Variants in ACTR2 observed in about 807,000 individuals in gnomAD.
The protein encoded by ACTR2 is actin-related protein 2.
ACTR2 carries 5 observed loss-of-function variants against 50.2 expected under a neutral mutation model. The ratio of observed to expected loss-of-function variants is 0.10; its 90% CI spans 0.05 to 0.21. The LOEUF is 0.21. Ranked by LOEUF, ACTR2 falls within the 10% of genes least tolerant of loss-of-function variation. ACTR2 has a pLI of 1.00. For synonymous variants in ACTR2, 140 were observed against 162.9 expected (o/e 0.86, Z 1.07); for missense variants, 180 against 480.6 (o/e 0.37, Z 5.85).
intron 8 of ACTR2, among the ~76,000 whole-genome samples, chr2:65,267,962 G>A (rs903843121): frequency 8.8e-5 from 12 of 136,850 alleles, no homozygotes; most frequent in East Asian, 2.2e-4. Context: ...TCAGCCTCCC[G>A]AGTAGCTGGG....
At chr2:65,240,129 C>T in intron 2 of ACTR2, among the ~76,000 whole-genome samples, 167 bp downstream of exon 2, 1 of 152,152 alleles carries the variant, frequency 6.6e-6, no homozygotes, top group East Asian at 1.9e-4. Context: ...AACAGGGGCA[C>T]AAAAATTGAA....
At chr2:65,240,677 G>A (rs1204186833) in intron 2 of ACTR2, among the ~76,000 whole-genome samples, 2 of 152,218 alleles carry the variant, frequency 1.3e-5, no homozygotes, top group African/African-American at 2.4e-5. Flanking sequence ...TGAGAGGACA[G>A]TAGTCACCAG....
intron 6 of ACTR2, among the ~76,000 whole-genome samples, chr2:65,259,734 A>C (rs1672228888): frequency 1.3e-5 from 2 of 152,170 alleles, no homozygotes; most frequent in Admixed American, 1.3e-4. Flanking sequence ...GTCTCAAAAA[A>C]AAATTAAATT....
chr2:65,265,533 A>G (rs1456872514), intron 8 of ACTR2, among the ~76,000 whole-genome samples: 5 of 152,212 alleles, frequency 3.3e-5, no homozygotes, highest in Admixed American at 6.5e-5. Flanking sequence ...TGGATATGCA[A>G]TCAGCCTTCA....
At chr2:65,260,396 C>T (rs1672246172) in intron 6 of ACTR2, among the ~76,000 whole-genome samples, 1 of 152,100 alleles carries the variant, frequency 6.6e-6, no homozygotes, top group Non-Finnish European at 1.5e-5. Context: ...ATCCGAGCTA[C>T]TCAGGAGGCT....
chr2:65,258,332 T>A (rs1055925094), intron 6 of ACTR2, among the ~76,000 whole-genome samples: 2 of 152,028 alleles, frequency 1.3e-5, no homozygotes, highest in Non-Finnish European at 2.9e-5. Flanking sequence ...TCCCAGCACT[T>A]TGGGAGGCTG....
rs1454337601 is a variant in ACTR2 at position 65,232,890 on chromosome 2, AATGATTGAC to A, written c.48+4937_48+4945del. Among the ~76,000 whole-genome samples, 17 of 152,360 alleles carry A rather than the reference AATGATTGAC, an allele frequency of 1.1e-4. No homozygotes were observed. The East Asian group carries it at 3.3e-3, about 29-fold the overall frequency. The stretch of plus-strand genomic sequence containing the variant: ...AAAGAACGAAGTCACCAAGTCTTAA[AATGATTGAC>A]ATGGGGGAGGAATTTCAAGGATTAA... On this transcript the variant is annotated intron_variant, in intron 1 of 8. Transcript: ENST00000260641.
At chr2:65,237,738 A>G (rs1040815976) in intron 1 of ACTR2, among the ~76,000 whole-genome samples, 3 of 152,108 alleles carry the variant, frequency 2.0e-5, no homozygotes, top group Non-Finnish European at 2.9e-5. Context: ...CTGTAATCCC[A>G]GCACTTTGGG....
At chr2:65,248,782 G>A (rs1456770639) in intron 3 of ACTR2, among the ~76,000 whole-genome samples, 2 of 152,158 alleles carry the variant, frequency 1.3e-5, no homozygotes, top group African/African-American at 2.4e-5. Flanking sequence ...GGGAGGCCAA[G>A]GCGGGTGGAT....
At position 65,227,909 on chromosome 2, in the gene ACTR2, G is replaced by T; in HGVS notation, c.-1G>T. The T allele has an allele frequency of 6.6e-7, 1 of 1,523,356 alleles. No homozygotes were observed. Among genetic ancestry groups the T allele is most frequent in the East Asian group, 2.8e-5 (1 of 35,894 alleles). 94.4% of individuals were successfully genotyped at this position (1,523,356 alleles called of 1,614,324 possible). A position where few individuals can be genotyped will look rare whatever the true frequency, so the allele number is the denominator to read the frequency against. On this transcript the variant is annotated 5_prime_UTR_variant, in exon 1 of 9. Coordinates refer to ENST00000260641, the MANE Select transcript of ACTR2 (RefSeq NM_005722.4). ...TGCAGCGGCTCTTCCCTGGGCGGAC[G>T]ATGGACAGCCAGGGCAGGAAGGTGG...
At chr2:65,257,925 A>G (rs1184866205) in intron 6 of ACTR2, among the ~76,000 whole-genome samples, 1 of 152,132 alleles carries the variant, frequency 6.6e-6, no homozygotes, top group African/African-American at 2.4e-5. Context: ...TTCTTTTGCT[A>G]TGCAAGAAGC....
chr2:65,267,519 G>A (rs1012280689), intron 8 of ACTR2, among the ~76,000 whole-genome samples: 2 of 152,158 alleles, frequency 1.3e-5, no homozygotes, highest in African/African-American at 4.8e-5. Flanking sequence ...TGCAGATCGT[G>A]ATACTGTAAA....
chr2:65,257,503 T>C (rs1163993273), intron 6 of ACTR2, among the ~76,000 whole-genome samples: 2 of 152,248 alleles, frequency 1.3e-5, no homozygotes, highest in Non-Finnish European at 2.9e-5. Flanking sequence ...TTTCTAGTTC[T>C]AGATCCTTGA....
intron 4 of ACTR2, among the ~76,000 whole-genome samples, 153 bp from the exon 5 acceptor site, chr2:65,253,575 T>C (rs989341096): frequency 9.2e-5 from 14 of 152,234 alleles, no homozygotes; most frequent in African/African-American, 1.4e-4. Flanking sequence ...TTAATACTTA[T>C]GCATTAGAAA....
At chr2:65,242,789 A>G (rs1309777430) in intron 2 of ACTR2, 6 of 275,724 alleles carry the variant, frequency 2.2e-5, no homozygotes, top group Non-Finnish European at 3.7e-5. Flanking sequence ...GTGCTTCTGT[A>G]GTAGATACTT....
chr2:65,267,769 G>C (rs996082172), intron 8 of ACTR2, among the ~76,000 whole-genome samples: 1 of 149,408 alleles, frequency 6.7e-6, no homozygotes, highest in African/African-American at 2.5e-5. Flanking sequence ...TAGAAAGTAA[G>C]CTTTGCTTAA....
rs539690732 is a variant in ACTR2, at chr2:65,269,225, C to G, written c.*491C>G. ...GGCGCTTTCAACTGTACTGCTGCAG[C>G]TTTAAGTACCTTAAAGCTTCTCCTG... On this transcript the variant is annotated 3_prime_UTR_variant, in exon 9 of 9. Coordinates refer to ENST00000260641, the MANE Select transcript of ACTR2 (RefSeq NM_005722.4). The G allele has an allele frequency of 3.3e-5, 5 of 151,646 alleles. No homozygotes were observed. The highest frequency in any genetic ancestry group is 1.2e-4 in the African/African-American group (5 of 41,240). The allele number at this position is 151,646 out of a possible 1,614,324, so 9.4% of individuals were successfully genotyped here. A position where few individuals can be genotyped will look rare whatever the true frequency, so the allele number is the denominator to read the frequency against.
chr2:65,231,129 TAAGAC>T (rs1335244170), intron 1 of ACTR2, among the ~76,000 whole-genome samples: 3 of 152,156 alleles, frequency 2.0e-5, no homozygotes, highest in South Asian at 2.1e-4. Context: ...TTCTTTTCCT[TAAGAC>T]AAGTGATCAA....
chr2:65,241,262 C>T (rs961693875), intron 2 of ACTR2, among the ~76,000 whole-genome samples: 3 of 152,052 alleles, frequency 2.0e-5, no homozygotes, highest in Non-Finnish European at 4.4e-5. Context: ...TATTCAGTGT[C>T]AGGTTTTTAA....
Sources: allele counts gnomAD v4.1 joint callset (sites outside exome capture counted in the v4.1 genomes callset), GRCh38; gene constraint gnomAD v4.1.1; transcripts MANE v1.5; gene names NCBI Gene and HGNC (gene_info 2026-07-23, HGNC 2026-07-21).